The following SLC6A17 variants were observed in gnomAD, a reference collection of about 807,000 sequenced individuals.
The protein encoded by SLC6A17 is sodium-dependent neutral amino acid transporter SLC6A17.
Under a neutral mutation model 64.5 loss-of-function variants are expected in SLC6A17, and 21 were observed. That is an observed-to-expected ratio of 0.33 (90% CI 0.23 to 0.47). The LOEUF (loss-of-function observed/expected upper bound fraction) is 0.47. SLC6A17 is among the 20% of genes least tolerant of loss of function. The probability of loss-of-function intolerance (pLI) is 1.00; values close to 1 mark genes in which losing one functional copy is unlikely to be tolerated. For synonymous variants in SLC6A17, 372 were observed against 399.5 expected (o/e 0.93, Z 0.82); for missense variants, 682 against 963.2 (o/e 0.71, Z 3.86).
intron 6 of SLC6A17, among the ~76,000 whole-genome samples, chr1:110,182,653 CAG>C: frequency 6.6e-6 from 1 of 151,524 alleles, no homozygotes; most frequent in East Asian, 1.9e-4. Context: ...GACAGACAAA[CAG>C]ACATTCTAGA....
At position 110,165,302 on chromosome 1, in the gene SLC6A17, G is replaced by A. The variant is rs1401484390; in HGVS notation, c.-87-1541G>A. Among the ~76,000 whole-genome samples the A allele has an allele frequency of 3.9e-5, 6 of 152,202 alleles. No homozygotes were observed. In the East Asian group the frequency reaches 9.6e-4, roughly 24 times the overall value. Reference sequence around the variant, plus strand: ...GGCTGAAAGTTCCACAGATGCACAAGTGCCACCCGTGGGGCACCTTTTAGG... The same window carrying A: ...GGCTGAAAGTTCCACAGATGCACAAATGCCACCCGTGGGGCACCTTTTAGG... On this transcript the variant is annotated intron_variant, in intron 1 of 11. Transcript: ENST00000331565.
Position 110,172,103 on chromosome 1 carries a change from G to A in SLC6A17, c.330G>A (p.Gly110=), listed in dbSNP as rs1656243012. The part of the protein sequence containing the change: ...VPYLVLLIII[G]IPLFFLELAV... ...ACCTGGTGCTGCTGATCATCATCGG[G>A]ATCCCCCTCTTCTTCCTGGAGCTGG... The change falls in exon 3 of 12, where the codon GGG becomes GGA. Residue 110 remains glycine (G), a synonymous_variant. Transcript: ENST00000331565. 6.2e-7 allele frequency: 1 copy of A among 1,614,022 alleles called. No homozygotes were observed. The highest frequency in any genetic ancestry group is 8.5e-7 in the Non-Finnish European group (1 of 1,180,026).
intron 6 of SLC6A17, among the ~76,000 whole-genome samples, chr1:110,183,289 A>G (rs1199234071): frequency 6.6e-6 from 1 of 152,240 alleles, no homozygotes; most frequent in Non-Finnish European, 1.5e-5. Flanking sequence ...ATCCAGCCAT[A>G]AAAAGGAATG....
chr1:110,178,611 G>T, intron 6 of SLC6A17: 1 of 153,528 alleles, frequency 6.5e-6, no homozygotes, highest in South Asian at 1.8e-4. Flanking sequence ...ATAAACAATT[G>T]AAATTTATTG....
chr1:110,184,706 G>A (rs1186170475), intron 6 of SLC6A17, among the ~76,000 whole-genome samples: 4 of 152,206 alleles, frequency 2.6e-5, no homozygotes, highest in Admixed American at 1.3e-4. Context: ...CCCCAGGAGT[G>A]TGGAGAGTTC....
intron 1 of SLC6A17, among the ~76,000 whole-genome samples, chr1:110,154,620 C>T (rs1329944337): frequency 6.6e-6 from 1 of 152,216 alleles, no homozygotes; most frequent in Non-Finnish European, 1.5e-5. Flanking sequence ...CCCTTCTCTT[C>T]CTGACCTCTA....
intron 4 of SLC6A17, 97 bp downstream of exon 4, chr1:110,174,196 G>A (rs1459498591): frequency 1.3e-6 from 2 of 1,507,764 alleles, no homozygotes; most frequent in Non-Finnish European, 1.8e-6. Context: ...GACTTGTTGT[G>A]TCCCCTTGGA....
intron 1 of SLC6A17, among the ~76,000 whole-genome samples, chr1:110,153,656 G>T (rs1655672763): frequency 6.6e-6 from 1 of 152,042 alleles, no homozygotes; most frequent in Admixed American, 6.5e-5. Context: ...AGAGAAACAG[G>T]TTCCTTCTGC....
At chr1:110,197,647 C>A in intron 11 of SLC6A17, 48 bp downstream of exon 11, 1 of 1,533,180 alleles carries the variant, frequency 6.5e-7, no homozygotes. Flanking sequence ...TCTTCTCAGG[C>A]CTTGAATGCA....
chr1:110,194,134 C>T (rs1398116377), intron 8 of SLC6A17, among the ~76,000 whole-genome samples: 1 of 152,210 alleles, frequency 6.6e-6, no homozygotes, highest in Non-Finnish European at 1.5e-5. Flanking sequence ...GTCGGTGTTT[C>T]TAAAGGCTCC....
intron 2 of SLC6A17, among the ~76,000 whole-genome samples, chr1:110,170,664 A>G (rs1290706424): frequency 6.6e-6 from 1 of 152,172 alleles, no homozygotes; most frequent in East Asian, 1.9e-4. Context: ...TTTGAGCACC[A>G]TGATGGGGCT....
At chr1:110,197,981 G>A in intron 11 of SLC6A17, 95 bp from the exon 12 acceptor site, 1 of 1,512,188 alleles carries the variant, frequency 6.6e-7, no homozygotes, top group Non-Finnish European at 8.8e-7. Context: ...AGGAGTGGAA[G>A]GCCATGGGTG....
chr1:110,151,876 T>C (rs771104227), intron 1 of SLC6A17, among the ~76,000 whole-genome samples: 1 of 151,988 alleles, frequency 6.6e-6, no homozygotes, highest in Non-Finnish European at 1.5e-5. Context: ...AATTCAGCTG[T>C]GAACTTGAGG....
At chr1:110,162,108 G>T (rs1030828495) in intron 1 of SLC6A17, among the ~76,000 whole-genome samples, 1 of 152,242 alleles carries the variant, frequency 6.6e-6, no homozygotes, top group Admixed American at 6.5e-5. Context: ...AGGGATGGAG[G>T]CACTCCTTTC....
At chr1:110,163,987 A>G (rs59894752) in intron 1 of SLC6A17, among the ~76,000 whole-genome samples, 2,719 of 152,228 alleles carry the variant, frequency 0.018, 85 homozygotes, top group African/African-American at 0.063. Flanking sequence ...CTGGAGTCAC[A>G]TGGAGATACA....
Position 110,189,388 on chromosome 1 carries a change from C to A in SLC6A17, c.865-2584C>A, listed in dbSNP as rs1442230036. Among the ~76,000 whole-genome samples the A allele has an allele frequency of 2.0e-5, 3 of 152,154 alleles. No individual in the cohort carries two copies. In the East Asian group the frequency reaches 5.8e-4, roughly 29 times the overall value. ...CTCGGCCTCTCCCTCTCCAGCATCT[C>A]CCATCTCCAGTCCATCCCGAAGGTC... On this transcript the variant is annotated intron_variant, in intron 6 of 11. Transcript: ENST00000331565.
At chr1:110,173,871 C>A in intron 3 of SLC6A17, 102 bp from the exon 4 acceptor site, 1 of 1,509,356 alleles carries the variant, frequency 6.6e-7, no homozygotes, top group Admixed American at 2.1e-5. Flanking sequence ...GGCTGTGCTG[C>A]TGTGTTTATG....
chr1:110,157,948 C>G (rs549233845), intron 1 of SLC6A17, among the ~76,000 whole-genome samples: 1 of 152,226 alleles, frequency 6.6e-6, no homozygotes, highest in Non-Finnish European at 1.5e-5. Context: ...GAGCATACGT[C>G]CTTACCCCCA....
Position 110,167,052 on chromosome 1 carries a change from T to C in SLC6A17, c.123T>C (p.Ala41=). ...VDYKQSVLNV[A]GEAGGKQKAV... is the part of the protein sequence containing the mutation. The stretch of plus-strand genomic sequence containing the variant: ...ATAAGCAGAGTGTACTGAATGTGGC[T>C]GGTGAGGCAGGCGGCAAGCAGAAGG... The change falls in exon 2 of 12, where the codon GCT becomes GCC. Residue 41 remains alanine, a synonymous_variant. Transcript: ENST00000331565. 2 of 1,611,592 alleles carry C rather than the reference T, an allele frequency of 1.2e-6. No individual in the cohort carries two copies. The highest frequency in any genetic ancestry group is 1.7e-6 in the Non-Finnish European group (2 of 1,179,106).
Sources: gnomAD v4.1 joint callset for allele counts (sites outside exome capture counted in the v4.1 genomes callset) on GRCh38, gnomAD v4.1.1 for gene constraint, MANE v1.5 for transcripts, NCBI Gene and HGNC (gene_info 2026-07-23, HGNC 2026-07-21) for gene names.